MTERF4: variants seen among roughly 807,000 people sequenced by gnomAD.
MTERF4 encodes transcription termination factor 4, mitochondrial.
In MTERF4, 17 loss-of-function variants were observed where a neutral mutation model predicts 22.5. That is an observed-to-expected ratio of 0.75 (90% CI 0.52 to 1.13). MTERF4 has a LOEUF of 1.13. MTERF4 is among the 50% of genes most tolerant of loss of function. The probability of loss-of-function intolerance (pLI) is 0.00; values close to 1 mark genes in which losing one functional copy is unlikely to be tolerated. For synonymous variants in MTERF4, 165 were observed against 175.3 expected (o/e 0.94, Z 0.47); for missense variants, 420 against 466.8 (o/e 0.90, Z 0.92).
downstream of MTERF4, chr2:241,088,110 A>G (rs1804998): frequency 0.24 from 120,809 of 496,776 alleles, 22,809 homozygotes; most frequent in African/African-American, 0.67. Context: ...TCCCACGTCC[A>G]TCCTCTCTCT....
At chr2:241,089,948 A>G (rs1282128404), downstream of MTERF4, 3 of 1,543,900 alleles carry the variant, frequency 1.9e-6, no homozygotes, top group Non-Finnish European at 2.6e-6. Context: ...ACCTACAGTA[A>G]AAATAGATAT....
chr2:241,047,146 C>CAAAAA, the MTERF4 span, among the ~76,000 whole-genome samples: 1 of 68,170 alleles, frequency 1.5e-5, no homozygotes. Context: ...GAGACTCTGT[C>CAAAAA]AAAAAAAAAA....
the MTERF4 span, among the ~76,000 whole-genome samples, chr2:241,064,564 A>ACTG: frequency 6.6e-5 from 10 of 152,114 alleles, no homozygotes; most frequent in Non-Finnish European, 1.3e-4. This position sits in a 1 kb window ranked among gnomAD's most constrained non-coding sequence, Gnocchi z 7.0. Context: ...CTCAAGCAGG[A>ACTG]CTGTCACTGG....
the MTERF4 span, among the ~76,000 whole-genome samples, chr2:241,052,998 A>G: frequency 6.6e-6 from 1 of 152,146 alleles, no homozygotes; most frequent in Non-Finnish European, 1.5e-5. Context: ...TATCACGGCA[A>G]CCAGGCCCCA....
the MTERF4 span, chr2:241,065,357 C>G: frequency 6.2e-7 from 1 of 1,613,134 alleles, no homozygotes; most frequent in Middle Eastern, 1.6e-4. Flanking sequence ...GGGTCTCTAT[C>G]TCCTGGAACC....
At chr2:241,080,870 G>A (rs552962409) in intron 4 of MTERF4, among the ~76,000 whole-genome samples, 2 of 152,362 alleles carry the variant, frequency 1.3e-5, no homozygotes, top group East Asian at 1.9e-4. Flanking sequence ...GGGTGACCAC[G>A]GGGTAGGTGA....
the MTERF4 span, among the ~76,000 whole-genome samples, chr2:241,064,306 TC>T: frequency 2.0e-5 from 3 of 151,502 alleles, no homozygotes; most frequent in African/African-American, 7.3e-5. The surrounding 1 kb of genome is among the most constrained non-coding windows in gnomAD (Gnocchi z 7.0). Context: ...TCTCCCTTGG[TC>T]CCACAATGGT....
chr2:241,053,125 G>T, the MTERF4 span: 8 of 1,596,358 alleles, frequency 5.0e-6, no homozygotes, highest in Non-Finnish European at 6.0e-6. Context: ...GCACAGGACC[G>T]TGCGAGACAG....
At chr2:241,091,539 G>T (rs992045307), downstream of MTERF4, 1 of 151,826 alleles carries the variant, frequency 6.6e-6, no homozygotes, top group Non-Finnish European at 1.5e-5. This position sits in a 1 kb window ranked among gnomAD's most constrained non-coding sequence, Gnocchi z 4.1. Context: ...GGTGACAGAG[G>T]CCCTGAGGGC....
At position 241,073,541 on chromosome 2, in the gene MTERF4, C is replaced by A; in HGVS notation, n.2621G>T. The A allele has an allele frequency of 1.5e-6, 1 of 650,258 alleles. No homozygotes were observed. Among genetic ancestry groups the A allele is most frequent in the South Asian group, 1.8e-5 (1 of 56,430 alleles). 40.3% of individuals were successfully genotyped at this position (650,258 alleles called of 1,614,324 possible). A position where few individuals can be genotyped will look rare whatever the true frequency, so the allele number is the denominator to read the frequency against. On this transcript the variant is annotated non_coding_transcript_exon_variant, in exon 5 of 5. Coordinates refer to the MTERF4 transcript ENST00000464344. The surrounding 1 kb of genome is among the most constrained non-coding windows in gnomAD (Gnocchi z 6.6). ...GAAGATGGGGTGAAGCTACACCACCCAAGCAGTGGGACCCCACAGACGGGA... is the reference window on the plus strand; with the variant it reads ...GAAGATGGGGTGAAGCTACACCACCAAAGCAGTGGGACCCCACAGACGGGA...
At chr2:241,043,432 C>G in the MTERF4 span, among the ~76,000 whole-genome samples, 16 of 152,114 alleles carry the variant, frequency 1.1e-4, no homozygotes, top group African/African-American at 3.4e-4. Context: ...AAAAGTTAAG[C>G]TGAAATAAAG....
At chr2:241,093,327 G>A (rs1160577368), downstream of MTERF4, 1 of 152,680 alleles carries the variant, frequency 6.5e-6, no homozygotes, top group Non-Finnish European at 1.5e-5. Context: ...AGCATTACTA[G>A]CAGATGCTAA....
the MTERF4 span, among the ~76,000 whole-genome samples, chr2:241,044,271 T>C: frequency 0.17 from 25,537 of 152,160 alleles, 2,423 homozygotes; most frequent in East Asian, 0.26. Flanking sequence ...TCAAATTGAA[T>C]TGAAAAGCAA....
chr2:241,099,622 G>A lies in MTERF4; in HGVS notation c.294C>T (p.Ser98=), dbSNP rs2064610219. 7.4e-6 allele frequency: 12 copies of A among 1,614,054 alleles called. No homozygotes were observed. The highest frequency in any genetic ancestry group is 8.5e-6 in the Non-Finnish European group (10 of 1,180,032). Residue 98 remains serine, a synonymous_variant, in exon 2 of 4, where the codon TCC becomes TCT. Transcript: ENST00000391980. The part of the protein sequence containing the change: ...GSLELERVMS[S]LLDMGFSNAH... ...CATTGCTGAAACCCATGTCCAGGAGGGAACTCATGACCCTCTCTAGCTCCA... is the reference window on the plus strand; with the variant it reads ...CATTGCTGAAACCCATGTCCAGGAGAGAACTCATGACCCTCTCTAGCTCCA...
In MTERF4 at chr2:241,096,120, C is replaced by T; in HGVS notation, c.1024G>A (p.Asp342Asn). 1 of 1,614,122 alleles carries T rather than the reference C, an allele frequency of 6.2e-7. No homozygotes were observed. Among genetic ancestry groups the T allele is most frequent in the East Asian group, 2.2e-5 (1 of 44,886 alleles). Reference sequence around the variant, plus strand: ...TCCTCCTCATCATCGTCATCCTCATCCTCATCCAGACTTGCCCTTTTGTCA... The same window carrying T: ...TCCTCCTCATCATCGTCATCCTCATTCTCATCCAGACTTGCCCTTTTGTCA... ...SDDKRASLDE[D>N]EDDDDEEDND... Residue 342 changes from aspartate (D) to asparagine (N), a missense_variant, in exon 4 of 4, where the codon GAT becomes AAT. By Grantham distance (23) the Asp-to-Asn change is conservative. Transcript: ENST00000391980. This position sits in a 1 kb window ranked among gnomAD's most constrained non-coding sequence, Gnocchi z 5.1.
At chr2:241,067,953 A>C (rs745314152), downstream of MTERF4, 10 of 1,603,712 alleles carry the variant, frequency 6.2e-6, no homozygotes, top group African/African-American at 1.3e-5. Context: ...TTTAGGTAAG[A>C]AGGGACACCC....
At chr2:241,081,686 G>A in intron 4 of MTERF4, 1 of 1,603,410 alleles carries the variant, frequency 6.2e-7, no homozygotes. Flanking sequence ...GACGTCCCTG[G>A]CAACTGTTCA....
intron 2 of MTERF4, 70 bp from the exon 3 acceptor site, chr2:241,097,497 C>G (rs2064508180): frequency 1.4e-6 from 2 of 1,454,254 alleles, no homozygotes; most frequent in Non-Finnish European, 1.9e-6. Flanking sequence ...GCTAGCTGCA[C>G]CCAATTTAAG....
chr2:241,089,300 C>T (rs968923017), downstream of MTERF4: 8 of 1,549,556 alleles, frequency 5.2e-6, no homozygotes, highest in Non-Finnish European at 7.0e-6. Context: ...TTCCTGGTGG[C>T]GCAGATGAGT....
Sources: gnomAD v4.1 joint callset for allele counts (sites outside exome capture counted in the v4.1 genomes callset) on GRCh38, gnomAD v4.1.1 for gene constraint, Gnocchi (gnomAD v3.1) non-coding constraint, MANE v1.5 for transcripts, NCBI Gene and HGNC (gene_info 2026-07-23, HGNC 2026-07-21) for gene names.